Variants in CPNE4 observed in about 807,000 individuals in gnomAD.
CPNE4 encodes copine 4, also known as copine-4.
CPNE4 carries 25 observed loss-of-function variants against 67.9 expected under a neutral mutation model. The observed-to-expected ratio is 0.37, with a 90% CI of 0.27 to 0.51. The LOEUF (loss-of-function observed/expected upper bound fraction) is 0.51, where lower values mean the gene tolerates loss of function less well. Among genes scored for constraint, CPNE4 ranks in the 20% least tolerant of loss-of-function variants. The pLI is 0.93. For missense variants in CPNE4, 464 were observed against 690.8 expected (o/e 0.67, Z 3.68); for synonymous variants, 242 against 244.9 (o/e 0.99, Z 0.11).
chr3:131,913,859 T>C (rs2089080773), intron 1 of CPNE4, among the ~76,000 whole-genome samples: 1 of 152,198 alleles, frequency 6.6e-6, no homozygotes, highest in Non-Finnish European at 1.5e-5. Context: ...GGGATAATAA[T>C]AGTTCCTACT....
At chr3:131,669,428 T>A (rs531399446) in intron 7 of CPNE4, among the ~76,000 whole-genome samples, 1 of 152,304 alleles carries the variant, frequency 6.6e-6, no homozygotes, top group African/African-American at 2.4e-5. Context: ...CATGGTTTTG[T>A]CTTTCAGAAG....
chr3:131,855,647 TG>T (rs1295772161), intron 2 of CPNE4, among the ~76,000 whole-genome samples: 1 of 151,970 alleles, frequency 6.6e-6, no homozygotes, highest in Non-Finnish European at 1.5e-5. Flanking sequence ...GCCTGGGCTC[TG>T]GAGTTTCTGT....
chr3:132,009,808 T>C (rs1416697746), intron 1 of CPNE4, among the ~76,000 whole-genome samples: 1 of 152,204 alleles, frequency 6.6e-6, no homozygotes, highest in Non-Finnish European at 1.5e-5. Flanking sequence ...CCTGGAGATA[T>C]TTTAAGTTGT....
intron 2 of CPNE4, among the ~76,000 whole-genome samples, chr3:131,831,711 C>G: frequency 6.6e-6 from 1 of 152,054 alleles, no homozygotes; most frequent in East Asian, 1.9e-4. Context: ...TTTTGAGTTT[C>G]AATATATCCA....
At position 131,974,912 on chromosome 3, in the gene CPNE4, G is replaced by C. The variant is rs60409944; in HGVS notation, c.-2+59655C>G. 2.6e-4 allele frequency among the ~76,000 whole-genome samples: 39 copies of C among 152,164 alleles called. 1 individual carries two copies. In the South Asian group the frequency reaches 3.9e-3, roughly 15 times the overall value. On this transcript the variant is annotated intron_variant, in intron 1 of 15. Transcript: ENST00000429747. Reference sequence around the variant, plus strand: ...AGTCCCAGCTGCTCGGGAGGCTGAGGGGGGAGGATGGCTTGAGCCTGGGAG... The same window carrying C: ...AGTCCCAGCTGCTCGGGAGGCTGAGCGGGGAGGATGGCTTGAGCCTGGGAG...
At chr3:131,658,185 G>T (rs1405505624) in intron 7 of CPNE4, among the ~76,000 whole-genome samples, 11 of 151,906 alleles carry the variant, frequency 7.2e-5, no homozygotes, top group Admixed American at 2.6e-4. Flanking sequence ...TCTGCCTTTT[G>T]CCGTGAGTCA....
At chr3:131,675,702 A>C (rs997993448) in intron 6 of CPNE4, among the ~76,000 whole-genome samples, 1 of 152,016 alleles carries the variant, frequency 6.6e-6, no homozygotes, top group Non-Finnish European at 1.5e-5. Flanking sequence ...CTTTATAGGT[A>C]AAGTGTATTT....
chr3:131,913,013 G>A (rs943084844), intron 1 of CPNE4, among the ~76,000 whole-genome samples: 1 of 152,088 alleles, frequency 6.6e-6, no homozygotes, highest in Non-Finnish European at 1.5e-5. Context: ...TGAGATGCAA[G>A]ATAACACAGG....
intron 1 of CPNE4, among the ~76,000 whole-genome samples, chr3:132,021,915 T>G (rs1035971486): frequency 2.6e-5 from 4 of 152,090 alleles, no homozygotes; most frequent in Admixed American, 6.5e-5. Flanking sequence ...CCAAGCAAAG[T>G]GGAATAGAAG....
intron 1 of CPNE4, among the ~76,000 whole-genome samples, chr3:131,942,493 A>T (rs2071428712): frequency 6.9e-6 from 1 of 144,680 alleles, no homozygotes; most frequent in African/African-American, 2.6e-5. Context: ...AGAGAGAGAG[A>T]GAGAGAGAGA....
intron 1 of CPNE4, among the ~76,000 whole-genome samples, chr3:131,906,090 TG>T (rs1375683155): frequency 2.6e-5 from 4 of 152,056 alleles, no homozygotes; most frequent in Non-Finnish European, 4.4e-5. Flanking sequence ...GGGAAAGTGA[TG>T]GGGAGGAAAA....
intron 2 of CPNE4, among the ~76,000 whole-genome samples, chr3:131,825,355 G>A (rs1040538425): frequency 1.3e-5 from 2 of 151,990 alleles, no homozygotes; most frequent in African/African-American, 2.4e-5. Flanking sequence ...AATTAGCTGG[G>A]TGTGGTGTTG....
At chr3:131,963,520 C>T (rs1467896771) in intron 1 of CPNE4, among the ~76,000 whole-genome samples, 2 of 152,192 alleles carry the variant, frequency 1.3e-5, no homozygotes, top group Non-Finnish European at 2.9e-5. Context: ...GCAAAGCAGT[C>T]TGAAGTCGAC....
At chr3:131,707,650 C>T (rs537615262) in intron 3 of CPNE4, among the ~76,000 whole-genome samples, 1 of 152,262 alleles carries the variant, frequency 6.6e-6, no homozygotes, top group African/African-American at 2.4e-5. Flanking sequence ...GCTAAACTCT[C>T]CTGTCTCTGA....
chr3:131,783,902 C>G lies in CPNE4; in HGVS notation c.181-60277G>C, dbSNP rs529563741. ...TCTACACCACAGACTGCCCAGGGAA[C>G]AACAGAAGTCAGATTCTATTTCAGG... On this transcript the variant is annotated intron_variant, in intron 2 of 15. Coordinates refer to ENST00000429747, the MANE Select transcript of CPNE4 (RefSeq NM_130808.3). 4.3e-4 allele frequency among the ~76,000 whole-genome samples: 65 copies of G among 152,234 alleles called. 2 individuals are homozygous for G. The Middle Eastern group carries it at 0.024, about 56-fold the overall frequency.
At chr3:131,574,941 CAAT>C (rs1303212716) in intron 10 of CPNE4, 127 bp downstream of exon 10, 1 of 724,268 alleles carries the variant, frequency 1.4e-6, no homozygotes, top group African/African-American at 1.8e-5. Flanking sequence ...TACGCTTCAA[CAAT>C]GAGACTTGAA....
chr3:131,651,378 C>G (rs147117160), intron 7 of CPNE4, among the ~76,000 whole-genome samples: 15 of 152,274 alleles, frequency 9.9e-5, no homozygotes, highest in Admixed American at 2.6e-4. Context: ...TCAGGAAAGT[C>G]GTTGGTATTT....
intron 2 of CPNE4, among the ~76,000 whole-genome samples, chr3:131,831,134 A>G (rs1294029267): frequency 6.6e-6 from 1 of 152,070 alleles, no homozygotes; most frequent in South Asian, 2.1e-4. Context: ...ATCCTTCAAA[A>G]TGGAAACAAT....
intron 2 of CPNE4, among the ~76,000 whole-genome samples, chr3:131,778,656 G>A (rs1270668748): frequency 6.6e-6 from 1 of 152,030 alleles, no homozygotes; most frequent in Non-Finnish European, 1.5e-5. Flanking sequence ...AGCAAGCTGG[G>A]AAAATTCCAA....
Sources: gnomAD v4.1 joint callset for allele counts (sites outside exome capture counted in the v4.1 genomes callset) on GRCh38, gnomAD v4.1.1 for gene constraint, MANE v1.5 for transcripts, NCBI Gene and HGNC (gene_info 2026-07-23, HGNC 2026-07-21) for gene names.